The following ADAM10 variants were observed in gnomAD, a reference collection of about 807,000 sequenced individuals.
ADAM10 encodes ADAM metallopeptidase domain 10, also known as disintegrin and metalloproteinase domain-containing protein 10.
Under a neutral mutation model 90.1 loss-of-function variants are expected in ADAM10, and 17 were observed. The ratio of observed to expected loss-of-function variants is 0.19; its 90% CI spans 0.13 to 0.28. ADAM10 has a LOEUF of 0.28. Among genes scored for constraint, ADAM10 ranks in the 10% least tolerant of loss-of-function variants. The pLI, the probability that ADAM10 is intolerant of heterozygous loss-of-function variation, is 1.00. For missense variants in ADAM10, 610 were observed against 914.3 expected (o/e 0.67, Z 4.29); for synonymous variants, 310 against 298.6 (o/e 1.04, Z -0.40).
chr15:58,684,654 T>C (rs1261247171), intron 2 of ADAM10, among the ~76,000 whole-genome samples: 3 of 152,182 alleles, frequency 2.0e-5, no homozygotes, highest in Non-Finnish European at 4.4e-5. Context: ...TGATCATGAG[T>C]TGTATCCTTT....
intron 1 of ADAM10, among the ~76,000 whole-genome samples, chr15:58,737,299 G>A (rs543604912): frequency 3.3e-5 from 5 of 152,140 alleles, no homozygotes; most frequent in Admixed American, 6.5e-5. Context: ...GGTTTTATGC[G>A]TGTTCTTTCT....
intron 8 of ADAM10, among the ~76,000 whole-genome samples, chr15:58,639,168 C>T (rs1281542050): frequency 6.6e-6 from 1 of 152,230 alleles, no homozygotes; most frequent in Non-Finnish European, 1.5e-5. Flanking sequence ...TGTGGTGCTT[C>T]TCAAACTTCA....
rs981522275 is a variant in ADAM10, at chr15:58,635,759, T to C, written c.1013-2400A>G. On this transcript the variant is annotated intron_variant, in intron 8 of 15. Transcript: ENST00000260408. ...AGTACTGTCAAACTTGAATTAAGCA[T>C]AGAAGACTCCACACTTCAAATCTTT... Among the ~76,000 whole-genome samples, 7 of 150,892 alleles carry C rather than the reference T, an allele frequency of 4.6e-5. No homozygotes were observed. The South Asian group carries it at 1.0e-3, about 23-fold the overall frequency.
At position 58,592,278 on chromosome 15, in the gene ADAM10, G is replaced by A. The variant is rs187122132; in HGVS notation, c.*5269C>T. On this transcript the variant is annotated 3_prime_UTR_variant, in exon 16 of 16. Transcript: ENST00000260408. ...TAAATTGTTGGGGGGGTAAAATGGT[G>A]ATATCCTAATTCTATCATTTCTCTT... is the stretch of plus-strand genomic sequence containing the variant. 2.0e-5 allele frequency: 3 copies of A among 152,176 alleles called. No homozygotes were observed. The highest frequency in any genetic ancestry group is 2.1e-4 in the South Asian group (1 of 4,834). 9.4% of individuals were successfully genotyped at this position (152,176 alleles called of 1,614,324 possible).
intron 10 of ADAM10, among the ~76,000 whole-genome samples, chr15:58,621,968 A>G (rs1895800273): frequency 6.6e-6 from 1 of 151,862 alleles, no homozygotes; most frequent in Non-Finnish European, 1.5e-5. Context: ...TGCTTCACTA[A>G]CCAGGAAAAA....
intron 1 of ADAM10, among the ~76,000 whole-genome samples, chr15:58,727,207 C>T (rs956833703): frequency 0.13 from 9,443 of 70,948 alleles, 1,712 homozygotes; most frequent in East Asian, 0.47. Context: ...TTTTTTTTTC[C>T]CAAAAACAGC....
chr15:58,652,669 T>C (rs1325808804), intron 5 of ADAM10, among the ~76,000 whole-genome samples: 1 of 152,176 alleles, frequency 6.6e-6, no homozygotes, highest in Non-Finnish European at 1.5e-5. Context: ...TCAGGTAATA[T>C]GATTCCTCCA....
chr15:58,727,244 G>GC (rs1595661206), intron 1 of ADAM10, among the ~76,000 whole-genome samples: 1 of 129,828 alleles, frequency 7.7e-6, no homozygotes, highest in East Asian at 2.7e-4. Context: ...AGGCCGTAGC[G>GC]CAACGGCGCA....
intron 10 of ADAM10, among the ~76,000 whole-genome samples, chr15:58,626,133 C>T (rs1369922094): frequency 6.8e-6 from 1 of 146,488 alleles, no homozygotes; most frequent in Non-Finnish European, 1.5e-5. Flanking sequence ...TAAATACATA[C>T]AAAGAGAAAT....
chr15:58,749,695 A>T lies in ADAM10; in HGVS notation c.-161T>A, dbSNP rs1293965021. 4.2e-6 allele frequency: 6 copies of T among 1,430,918 alleles called. No individual in the cohort carries two copies. The highest frequency in any genetic ancestry group is 2.0e-4 in the Middle Eastern group (1 of 4,908). 88.6% of individuals were successfully genotyped at this position (1,430,918 alleles called of 1,614,324 possible). A position where few individuals can be genotyped will look rare whatever the true frequency, so the allele number is the denominator to read the frequency against. The stretch of plus-strand genomic sequence containing the variant: ...AAGCACCTCCCTCTCGCTCCACTTC[A>T]GGGGCCGGCAACGCTCCTAGCTCCT... On this transcript the variant is annotated 5_prime_UTR_variant, in exon 1 of 16. Coordinates refer to ENST00000260408, the MANE Select transcript of ADAM10 (RefSeq NM_001110.4).
In ADAM10 at chr15:58,611,883, T is replaced by C. The variant is rs749745209; in HGVS notation, c.1620A>G (p.Thr540=). ...TAGGGTCAGATGCTGGGCAGAGAGC[T>C]GTGAAGCCATTACATATTCCTTCCC... The part of the protein sequence containing the change: ...CAREGICNGF[T]ALCPASDPKP... Residue 540 remains threonine, a synonymous_variant, in exon 12 of 16, where the codon ACA becomes ACG. Transcript: ENST00000260408. 2.5e-6 allele frequency: 4 copies of C among 1,614,108 alleles called. No individual in the cohort carries two copies. Among genetic ancestry groups the C allele is most frequent in the African/African-American group, 1.3e-5 (1 of 74,958 alleles).
rs529165384 is a variant in ADAM10 at position 58,637,069 on chromosome 15, T to A, written c.1012+3708A>T. 2.6e-5 allele frequency among the ~76,000 whole-genome samples: 4 copies of A among 152,252 alleles called. No homozygotes were observed. The South Asian group carries it at 8.3e-4, about 32-fold the overall frequency. On this transcript the variant is annotated intron_variant, in intron 8 of 15. Transcript: ENST00000260408. ...TTCAATGATGTAATTTTCCCAGCATTTGAAGTTATACTTTTAAACTATGGG... is the reference window on the plus strand; with the variant it reads ...TTCAATGATGTAATTTTCCCAGCATATGAAGTTATACTTTTAAACTATGGG...
chr15:58,611,983 T>C lies in ADAM10; in HGVS notation c.1520A>G (p.Gln507Arg). ...LKPGKQCSPS[Q>R]GPCCTAQCAF... Reference sequence around the variant, plus strand: ...ACACTGTGCTGTACAACAAGGACCTTGACTTGGACTAGAGGAAACATTAAG... The same window carrying C: ...ACACTGTGCTGTACAACAAGGACCTCGACTTGGACTAGAGGAAACATTAAG... The change falls in exon 12 of 16, where the codon CAA becomes CGA. Residue 507 changes from glutamine to arginine, a missense_variant. This residue lies in a region of ADAM10 where 53 missense variants were observed against 62.0 expected (regional missense o/e 0.85). Coordinates refer to ENST00000260408, the MANE Select transcript of ADAM10 (RefSeq NM_001110.4). 6.2e-7 allele frequency: 1 copy of C among 1,614,112 alleles called. No individual in the cohort carries two copies. The highest frequency in any genetic ancestry group is 8.5e-7 in the Non-Finnish European group (1 of 1,179,978).
chr15:58,643,512 G>A (rs1477302709), intron 7 of ADAM10, among the ~76,000 whole-genome samples: 1 of 152,136 alleles, frequency 6.6e-6, no homozygotes, highest in Non-Finnish European at 1.5e-5. Flanking sequence ...GGAACATACA[G>A]TGAAAAACAC....
chr15:58,720,431 C>T (rs539307098), intron 1 of ADAM10, among the ~76,000 whole-genome samples: 25 of 149,238 alleles, frequency 1.7e-4, no homozygotes, highest in African/African-American at 6.0e-4. Flanking sequence ...GACAGAGTCT[C>T]GCTCTGTCAC....
chr15:58,697,093 A>C (rs1898001203), intron 2 of ADAM10, among the ~76,000 whole-genome samples: 1 of 152,108 alleles, frequency 6.6e-6, no homozygotes, highest in Admixed American at 6.5e-5. Flanking sequence ...CATGTGCCCC[A>C]AGGAGGCCTA....
intron 8 of ADAM10, among the ~76,000 whole-genome samples, chr15:58,639,651 C>G (rs543498170): frequency 1.3e-5 from 2 of 152,102 alleles, no homozygotes; most frequent in Middle Eastern, 3.4e-3. Flanking sequence ...ATGACATAAA[C>G]TTATACTTTA....
chr15:58,601,130 GAAAAGTTGCAAGTACAATTC>G (rs1354494102), intron 14 of ADAM10, among the ~76,000 whole-genome samples: 4 of 152,022 alleles, frequency 2.6e-5, no homozygotes, highest in African/African-American at 9.7e-5. Context: ...CAAACTTAAA[GAAAAGTTGCAAGTACAATTC>G]AAAAGTTCCA....
At chr15:58,650,356 G>T (rs1450032460) in intron 5 of ADAM10, among the ~76,000 whole-genome samples, 5 of 152,152 alleles carry the variant, frequency 3.3e-5, no homozygotes, top group African/African-American at 1.2e-4. Flanking sequence ...GCAGAGTTAG[G>T]CTTGGTGCAC....
Sources: gnomAD v4.1 joint callset for allele counts (sites outside exome capture counted in the v4.1 genomes callset) on GRCh38, gnomAD v4.1.1 for gene constraint, gnomAD v4.1.1 regional missense constraint, MANE v1.5 for transcripts, NCBI Gene and HGNC (gene_info 2026-07-23, HGNC 2026-07-21) for gene names.